The following ACTA2 variants were observed in gnomAD, a reference collection of about 807,000 sequenced individuals.
ACTA2 encodes the protein actin alpha 2, smooth muscle, also known as actin, aortic smooth muscle.
In ACTA2, 12 loss-of-function variants were observed where a neutral mutation model predicts 39.5. That is an observed-to-expected ratio of 0.30 (90% CI 0.19 to 0.49). The LOEUF (loss-of-function observed/expected upper bound fraction) is 0.49, where lower values mean the gene tolerates loss of function less well. ACTA2 is among the 20% of genes least tolerant of loss of function. The probability of loss-of-function intolerance (pLI) is 0.99; values close to 1 mark genes in which losing one functional copy is unlikely to be tolerated. For synonymous variants in ACTA2, 158 were observed against 180.6 expected (o/e 0.88, Z 1.00); for missense variants, 236 against 498.8 (o/e 0.47, Z 5.02).
intron 7 of ACTA2, chr10:88,938,539 C>T: frequency 5.2e-6 from 2 of 385,014 alleles, no homozygotes; most frequent in South Asian, 4.8e-5. Flanking sequence ...GGGATGAAGC[C>T]TTCCAATTCC....
At chr10:88,973,830 CT>C (rs1400321914) in intron 1 of ACTA2, 1 of 152,332 alleles carries the variant, frequency 6.6e-6, no homozygotes, top group African/African-American at 2.4e-5. Context: ...GAGACAGAGT[CT>C]CACTCTGTCG....
chr10:88,962,911 CCATATATATA>C (rs1846250825), intron 1 of ACTA2, among the ~76,000 whole-genome samples: 11 of 46,584 alleles, frequency 2.4e-4, no homozygotes, highest in South Asian at 7.8e-4. Flanking sequence ...GGGGAATGCC[CCATATATATA>C]TATATATATA....
chr10:88,972,352 T>C (rs1198689510), intron 1 of ACTA2, among the ~76,000 whole-genome samples: 1 of 152,206 alleles, frequency 6.6e-6, no homozygotes, highest in East Asian at 1.9e-4. Context: ...TTATTTGTAA[T>C]AGTAATTGAT....
chr10:88,976,055 T>A (rs1846555159), intron 1 of ACTA2, among the ~76,000 whole-genome samples: 1 of 152,210 alleles, frequency 6.6e-6, no homozygotes, highest in Non-Finnish European at 1.5e-5. Context: ...GACCCAACCA[T>A]ACATTACTAT....
At chr10:88,979,463 A>C (rs998047870) in intron 1 of ACTA2, among the ~76,000 whole-genome samples, 1 of 152,204 alleles carries the variant, frequency 6.6e-6, no homozygotes, top group African/African-American at 2.4e-5. Context: ...GGAACCCTTA[A>C]AATGTAGGCT....
chr10:88,972,480 T>C (rs1419186735), intron 1 of ACTA2, among the ~76,000 whole-genome samples: 2 of 152,210 alleles, frequency 1.3e-5, no homozygotes, highest in African/African-American at 4.8e-5. Context: ...TTACTGTTCT[T>C]TGATCTATTT....
chr10:88,963,799 T>C (rs1011049996), intron 1 of ACTA2, among the ~76,000 whole-genome samples: 1 of 152,184 alleles, frequency 6.6e-6, no homozygotes, highest in Non-Finnish European at 1.5e-5. Context: ...GTTTGGCTTG[T>C]AAAGAACCAG....
At chr10:88,987,261 A>G (rs1455084766) in intron 1 of ACTA2, among the ~76,000 whole-genome samples, 1 of 152,256 alleles carries the variant, frequency 6.6e-6, no homozygotes, top group Non-Finnish European at 1.5e-5. Context: ...GCTAATTTGT[A>G]ACAATTAACT....
intron 1 of ACTA2, among the ~76,000 whole-genome samples, chr10:88,982,343 C>A (rs1846730582): frequency 6.6e-6 from 1 of 152,028 alleles, no homozygotes; most frequent in African/African-American, 2.4e-5. Context: ...TTAAAAGTTG[C>A]ATGTGTATGA....
At chr10:88,952,902 C>G (rs528357094), upstream of ACTA2, 6 of 152,522 alleles carry the variant, frequency 3.9e-5, no homozygotes, top group African/African-American at 1.4e-4. Context: ...GGGACCTCAG[C>G]ACAAAACTCT....
chr10:88,982,513 A>C (rs1438640044), intron 1 of ACTA2, among the ~76,000 whole-genome samples: 1 of 152,194 alleles, frequency 6.6e-6, no homozygotes, highest in Non-Finnish European at 1.5e-5. Flanking sequence ...CACGACAGAA[A>C]TAAAAAAGGC....
At chr10:88,975,633 G>A (rs553215575) in intron 1 of ACTA2, among the ~76,000 whole-genome samples, 1 of 151,988 alleles carries the variant, frequency 6.6e-6, no homozygotes, top group East Asian at 1.9e-4. Context: ...TAAGTTCCAT[G>A]AGAGTAGGAT....
At chr10:88,953,411 C>T (rs895531796), upstream of ACTA2, among the ~76,000 whole-genome samples, 2 of 152,132 alleles carry the variant, frequency 1.3e-5, no homozygotes, top group African/African-American at 4.8e-5. Context: ...ATTACTATAA[C>T]TACATTCATT....
At chr10:88,945,821 A>C (rs948415346) in intron 3 of ACTA2, among the ~76,000 whole-genome samples, 1 of 152,224 alleles carries the variant, frequency 6.6e-6, no homozygotes, top group African/African-American at 2.4e-5. Context: ...TGAGTTAATG[A>C]AAACCTTTCA....
chr10:88,973,158 C>A, intron 1 of ACTA2: 2 of 1,600,968 alleles, frequency 1.2e-6, no homozygotes, highest in Non-Finnish European at 1.7e-6. Flanking sequence ...CTCTCACCTT[C>A]CCTTTCTTCT....
chr10:88,958,204 C>T (rs751739854), intron 1 of ACTA2, among the ~76,000 whole-genome samples: 14 of 152,178 alleles, frequency 9.2e-5, no homozygotes, highest in South Asian at 2.1e-4. Context: ...AAATTGATTT[C>T]GTCTTTGCAT....
chr10:88,948,575 AG>A, intron 2 of ACTA2: 1 of 525,132 alleles, frequency 1.9e-6, no homozygotes. Flanking sequence ...TTAGACAAAA[AG>A]GACATGAAAA....
intron 1 of ACTA2, among the ~76,000 whole-genome samples, chr10:88,963,636 C>T (rs565846842): frequency 4.6e-5 from 7 of 152,250 alleles, no homozygotes; most frequent in East Asian, 1.9e-4. Context: ...AGTGTTGGCA[C>T]GTCTCTGTCC....
At chr10:88,978,426 AT>A (rs1162694275) in intron 1 of ACTA2, among the ~76,000 whole-genome samples, 3 of 152,164 alleles carry the variant, frequency 2.0e-5, no homozygotes, top group Admixed American at 2.0e-4. Flanking sequence ...AATAAATAAA[AT>A]TTAAGATAAG....
Sources: gnomAD v4.1 joint callset for allele counts (sites outside exome capture counted in the v4.1 genomes callset) on GRCh38, gnomAD v4.1.1 for gene constraint, MANE v1.5 for transcripts, NCBI Gene and HGNC (gene_info 2026-07-23, HGNC 2026-07-21) for gene names.